GRM1: variants seen among roughly 807,000 people sequenced by gnomAD.
GRM1 encodes the protein glutamate metabotropic receptor 1, also known as metabotropic glutamate receptor 1.
A neutral mutation model predicts 90.9 loss-of-function variants in GRM1; 33 were observed. That is an observed-to-expected ratio of 0.36 (90% CI 0.28 to 0.49). GRM1 has a LOEUF of 0.49. Among genes scored for constraint, GRM1 ranks in the 20% least tolerant of loss-of-function variants. The pLI is 0.99. For missense variants in GRM1, 1,190 were observed against 1,534.3 expected (o/e 0.78, Z 3.75); for synonymous variants, 700 against 613.2 (o/e 1.14, Z -2.09).
In GRM1 at chr6:146,159,548, A is replaced by T; in HGVS notation, c.901A>T (p.Ser301Cys). 1 of 1,613,884 alleles carries T rather than the reference A, an allele frequency of 6.2e-7. No individual in the cohort carries two copies. The highest frequency in any genetic ancestry group is 2.2e-5 in the East Asian group (1 of 44,858). ...CEGMTVRGLL[S>C]AMRRLGVVGE... ...AGGCATGACAGTGCGAGGACTCCTG[A>T]GCGCCATGCGGCGCCTTGGCGTCGT... Residue 301 changes from serine to cysteine, a missense_variant, in exon 2 of 8, where the codon AGC becomes TGC. Ser to Cys is a moderately radical substitution (Grantham distance 112). This residue lies in a region of GRM1 where 414 missense variants were observed against 598.4 expected (regional missense o/e 0.69). Transcript: ENST00000282753.
At chr6:146,267,119 A>T (rs936330071) in intron 2 of GRM1, among the ~76,000 whole-genome samples, 1 of 152,088 alleles carries the variant, frequency 6.6e-6, no homozygotes, top group South Asian at 2.1e-4. Context: ...GCTCCTACTT[A>T]TAAGTGAGAA....
intron 1 of GRM1, among the ~76,000 whole-genome samples, chr6:146,063,127 C>A (rs748817468): frequency 6.6e-6 from 1 of 152,184 alleles, no homozygotes; most frequent in Non-Finnish European, 1.5e-5. Flanking sequence ...GAGCAACCTC[C>A]TCTGGCAGAT....
intron 2 of GRM1, among the ~76,000 whole-genome samples, chr6:146,260,957 T>C (rs1781677021): frequency 1.3e-5 from 2 of 151,938 alleles, no homozygotes; most frequent in Admixed American, 1.3e-4. Context: ...TAGATACTGC[T>C]TGGCAAAAGC....
chr6:146,029,029 C>A (rs1235069744), upstream of GRM1, among the ~76,000 whole-genome samples: 8 of 152,314 alleles, frequency 5.3e-5, no homozygotes, highest in African/African-American at 1.2e-4. Context: ...GGGCAGGACA[C>A]CCCGCCTTCC....
chr6:146,246,870 T>C (rs1781077522), intron 2 of GRM1, among the ~76,000 whole-genome samples: 1 of 152,170 alleles, frequency 6.6e-6, no homozygotes, highest in Non-Finnish European at 1.5e-5. Context: ...TAATAATAGG[T>C]TCTTGATATA....
intron 1 of GRM1, among the ~76,000 whole-genome samples, chr6:146,033,719 A>T (rs911533386): frequency 6.6e-6 from 1 of 151,886 alleles, no homozygotes; most frequent in Non-Finnish European, 1.5e-5. Context: ...ATTTGCTTAC[A>T]TTTTATATAA....
At chr6:146,063,623 A>AT (rs971189399) in intron 1 of GRM1, among the ~76,000 whole-genome samples, 22 of 151,428 alleles carry the variant, frequency 1.5e-4, no homozygotes, top group South Asian at 2.1e-4. Flanking sequence ...TCACATTGTG[A>AT]TTTTTTTTTC....
chr6:146,124,103 A>T (rs905322332), intron 1 of GRM1, among the ~76,000 whole-genome samples: 1 of 152,212 alleles, frequency 6.6e-6, no homozygotes, highest in African/African-American at 2.4e-5. Flanking sequence ...ACGTATTTCT[A>T]TATCTTCATA....
At chr6:146,046,016 C>G (rs1210170789) in intron 1 of GRM1, among the ~76,000 whole-genome samples, 1 of 151,896 alleles carries the variant, frequency 6.6e-6, no homozygotes, top group Non-Finnish European at 1.5e-5. Flanking sequence ...TGGATTTGAT[C>G]TCACGTCCTC....
chr6:146,160,405 G>T (rs1777679917), intron 2 of GRM1, among the ~76,000 whole-genome samples: 1 of 152,168 alleles, frequency 6.6e-6, no homozygotes, highest in Non-Finnish European at 1.5e-5. Context: ...TAGGGCTTTT[G>T]ACCTAACAGA....
chr6:146,064,871 A>T (rs1562440164), intron 1 of GRM1, among the ~76,000 whole-genome samples: 1 of 151,672 alleles, frequency 6.6e-6, no homozygotes, highest in African/African-American at 2.4e-5. Context: ...TAGTTACAGA[A>T]TTTTTTTCGA....
chr6:146,369,701 T>A (rs1242652183), intron 5 of GRM1, among the ~76,000 whole-genome samples: 2 of 152,106 alleles, frequency 1.3e-5, no homozygotes, highest in Non-Finnish European at 2.9e-5. Flanking sequence ...TAATTTTGAT[T>A]TTTTTTCTGA....
At chr6:146,167,996 T>C (rs1398496714) in intron 2 of GRM1, among the ~76,000 whole-genome samples, 2 of 152,048 alleles carry the variant, frequency 1.3e-5, no homozygotes, top group Non-Finnish European at 2.9e-5. Context: ...GTTTTATATT[T>C]TTTGCCCTCA....
intron 2 of GRM1, among the ~76,000 whole-genome samples, chr6:146,166,932 T>C (rs1352603432): frequency 6.6e-6 from 1 of 152,150 alleles, no homozygotes; most frequent in African/African-American, 2.4e-5. Context: ...AAATTAGCTT[T>C]ACTAAATTCA....
chr6:146,309,411 A>C (rs1156822828), intron 3 of GRM1, among the ~76,000 whole-genome samples: 3 of 151,912 alleles, frequency 2.0e-5, no homozygotes, highest in South Asian at 2.1e-4. Context: ...AAAAAAAAAA[A>C]CAGAACATTT....
chr6:146,413,361 G>T lies in GRM1; in HGVS notation c.2660+13662G>T, dbSNP rs1001016127. ...ACTAGAACAATTATTGGTATTGATT[G>T]TATTAGGTCAATATTCTTAGAAATG... On this transcript the variant is annotated intron_variant, in intron 7 of 7. Coordinates refer to ENST00000282753, the MANE Select transcript of GRM1 (RefSeq NM_001278064.2). 2.6e-5 allele frequency among the ~76,000 whole-genome samples: 4 copies of T among 152,074 alleles called. No homozygotes were observed. In the East Asian group the frequency reaches 5.8e-4, roughly 22 times the overall value.
At chr6:146,252,410 G>T (rs1452507945) in intron 2 of GRM1, among the ~76,000 whole-genome samples, 1 of 152,120 alleles carries the variant, frequency 6.6e-6, no homozygotes, top group African/African-American at 2.4e-5. Context: ...GGTCAAGGCG[G>T]GTGGATCAAT....
chr6:146,180,429 A>G (rs1033718492), intron 2 of GRM1, among the ~76,000 whole-genome samples: 4 of 152,168 alleles, frequency 2.6e-5, no homozygotes, highest in Non-Finnish European at 5.9e-5. Flanking sequence ...ATTTTTACAT[A>G]ATGAGGTTAT....
intron 1 of GRM1, among the ~76,000 whole-genome samples, chr6:146,110,113 T>C (rs573263562): frequency 6.6e-6 from 1 of 152,262 alleles, no homozygotes; most frequent in Non-Finnish European, 1.5e-5. Flanking sequence ...TTTGGGCGGC[T>C]GTTGGGAGGG....
Sources: allele counts gnomAD v4.1 joint callset (sites outside exome capture counted in the v4.1 genomes callset), GRCh38; gene constraint gnomAD v4.1.1; regional missense constraint gnomAD v4.1.1; transcripts MANE v1.5; gene names NCBI Gene and HGNC (gene_info 2026-07-23, HGNC 2026-07-21).